Variants in SERPINB8 observed in about 807,000 individuals in gnomAD.
SERPINB8 encodes serpin B8.
In SERPINB8, 25 loss-of-function variants were observed where a neutral mutation model predicts 35.3. That is an observed-to-expected ratio of 0.71 (90% confidence interval 0.52 to 0.99). SERPINB8 has a LOEUF of 0.99. SERPINB8 is among the 50% of genes least tolerant of loss of function. The probability of loss-of-function intolerance (pLI) is 0.00; values close to 1 mark genes in which losing one functional copy is unlikely to be tolerated. For synonymous variants in SERPINB8, 186 were observed against 160.8 expected (o/e 1.16, Z -1.19); for missense variants, 484 against 446.5 (o/e 1.08, Z -0.76).
chr18:63,983,500 G>A, intron 4 of SERPINB8, 79 bp from the exon 5 acceptor site: 3 of 1,401,746 alleles, frequency 2.1e-6, no homozygotes, highest in South Asian at 2.4e-5. Context: ...CCAAGCCTCT[G>A]CCTTATGTGT....
chr18:64,003,223 T>C (rs750174500), intron 1 of SERPINB8, among the ~76,000 whole-genome samples: 1 of 152,098 alleles, frequency 6.6e-6, no homozygotes, highest in African/African-American at 2.4e-5. Flanking sequence ...TGATGCTGAG[T>C]TGGGGCCACC....
At chr18:63,996,087 A>C (rs911212555) in intron 1 of SERPINB8, among the ~76,000 whole-genome samples, 19 of 152,172 alleles carry the variant, frequency 1.2e-4, no homozygotes, top group African/African-American at 4.3e-4. Context: ...ATCTGCAAGC[A>C]CTGATGGTTG....
chr18:63,991,660 A>G (rs1239490842), downstream of SERPINB8, among the ~76,000 whole-genome samples: 1 of 139,598 alleles, frequency 7.2e-6, no homozygotes, highest in Non-Finnish European at 1.5e-5. Context: ...TTTCTTTCAC[A>G]TTTAGATAGC....
downstream of SERPINB8, among the ~76,000 whole-genome samples, chr18:64,009,277 T>G (rs919967562): frequency 1.3e-5 from 2 of 152,244 alleles, no homozygotes; most frequent in African/African-American, 4.8e-5. Flanking sequence ...CTCACTTGTC[T>G]TATTGATGCA....
chr18:64,019,183 C>T (rs759910), exon 8 of SERPINB8: 91,177 of 152,086 alleles, frequency 0.6, 27,573 homozygotes, highest in East Asian at 0.69. Context: ...TGATTTACCT[C>T]CTGTGATTCC....
intron 3 of SERPINB8, 99 bp from the exon 4 acceptor site, chr18:63,981,622 A>G (rs1270824316): frequency 3.7e-6 from 3 of 806,112 alleles, no homozygotes; most frequent in Non-Finnish European, 6.2e-6. Context: ...GACCTGTCCA[A>G]GCACTTATTG....
intron 1 of SERPINB8, among the ~76,000 whole-genome samples, chr18:63,994,430 T>C (rs1178920574): frequency 6.6e-6 from 1 of 151,974 alleles, no homozygotes; most frequent in African/African-American, 2.4e-5. Context: ...TAAAAGTCCT[T>C]CAGGGCACAG....
chr18:64,001,061 A>C (rs774797890), intron 1 of SERPINB8, among the ~76,000 whole-genome samples: 3 of 152,186 alleles, frequency 2.0e-5, no homozygotes, highest in African/African-American at 7.2e-5. Context: ...ACTTTGTTAG[A>C]TGTTATTATA....
chr18:63,999,531 C>T (rs909818914), intron 1 of SERPINB8, among the ~76,000 whole-genome samples: 1 of 152,046 alleles, frequency 6.6e-6, no homozygotes, highest in African/African-American at 2.4e-5. Flanking sequence ...TCCACTTGTC[C>T]CCTCCTTGTA....
downstream of SERPINB8, among the ~76,000 whole-genome samples, chr18:64,007,975 G>A (rs505750): frequency 0.87 from 132,496 of 152,224 alleles, 57,769 homozygotes; most frequent in East Asian, 0.93. Context: ...TTAATATTTT[G>A]TTACTTAATT....
At chr18:63,983,749 C>T (rs770714011) in intron 5 of SERPINB8, 28 bp downstream of exon 5, 1 of 1,530,742 alleles carries the variant, frequency 6.5e-7, no homozygotes, top group Admixed American at 1.7e-5. Flanking sequence ...AGATATACTG[C>T]TACTTTCTTA....
At chr18:64,013,370 C>G (rs2050934748) in intron 7 of SERPINB8, among the ~76,000 whole-genome samples, 1 of 152,150 alleles carries the variant, frequency 6.6e-6, no homozygotes, top group Admixed American at 6.5e-5. Context: ...GGAATACCCT[C>G]CTATCTCCAA....
chr18:64,009,552 A>C (rs892823863), downstream of SERPINB8, among the ~76,000 whole-genome samples: 2 of 152,254 alleles, frequency 1.3e-5, no homozygotes, highest in African/African-American at 4.8e-5. Flanking sequence ...TCATATGTGG[A>C]AATGTGAGAT....
chr18:63,986,172 C>A, intron 6 of SERPINB8: 1 of 1,219,398 alleles, frequency 8.2e-7, no homozygotes, highest in Non-Finnish European at 1.2e-6. Flanking sequence ...GAGGAGTACC[C>A]ACCTGGGCTC....
chr18:64,001,473 T>TTGTTTGTA lies in SERPINB8; in HGVS notation c.71-3341_71-3340insGTATGTTT, dbSNP rs1196982068. Reference sequence around the variant, plus strand: ...TTTCTTTTCTTTTCTGTTTGTTTGTTTGTTTATTTATTTATTTATTTATTT... The same window carrying TTGTTTGTA: ...TTTCTTTTCTTTTCTGTTTGTTTGTTTGTTTGTATGTTTATTTATTTATTTATTTATTT... On this transcript the variant is annotated intron_variant, in intron 1 of 1. Transcript: ENST00000493661. 5.6e-5 allele frequency among the ~76,000 whole-genome samples: 8 copies of TTGTTTGTA among 142,762 alleles called. No individual in the cohort carries two copies. In the East Asian group the frequency reaches 1.4e-3, roughly 24 times the overall value. The allele number at this position is 142,762 out of a possible 152,430, so 93.7% of individuals were successfully genotyped here. A position where few individuals can be genotyped will look rare whatever the true frequency, so the allele number is the denominator to read the frequency against.
In SERPINB8 at chr18:63,989,316, C is replaced by A. The variant is rs1024743894; in HGVS notation, c.*2038C>A. The stretch of plus-strand genomic sequence containing the variant: ...AAATTTACCTGTTGATGAACATTTA[C>A]GTTGTTACCAAGATTTTTGCTATTG... On this transcript the variant is annotated 3_prime_UTR_variant, in exon 7 of 7. Transcript: ENST00000397985. The A allele has an allele frequency of 6.6e-6, 1 of 152,076 alleles. No homozygotes were observed. Among genetic ancestry groups the A allele is most frequent in the Non-Finnish European group, 1.5e-5 (1 of 68,024 alleles). 9.4% of individuals were successfully genotyped at this position (152,076 alleles called of 1,614,324 possible). A position where few individuals can be genotyped will look rare whatever the true frequency, so the allele number is the denominator to read the frequency against.
intron 3 of SERPINB8, 72 bp downstream of exon 3, chr18:63,980,010 G>A: frequency 1.4e-6 from 2 of 1,479,636 alleles, no homozygotes; most frequent in Non-Finnish European, 1.9e-6. Context: ...AGATAATAAA[G>A]TATAACTGTA....
chr18:63,987,071 G>C lies in SERPINB8; in HGVS notation c.918G>C (p.Lys306Asn), dbSNP rs769870269. The change falls in exon 7 of 7, where the codon AAG (lysine) becomes AAC (asparagine). Residue 306 changes from lysine to asparagine, a missense_variant. Transcript: ENST00000397985. ...KADFSGMSTE[K>N]NVPLSKVAHK... Reference sequence around the variant, plus strand: ...ACTTTTCTGGAATGTCAACTGAGAAGAATGTGCCTCTGTCCAAGGTTGCCC... The same window carrying C: ...ACTTTTCTGGAATGTCAACTGAGAACAATGTGCCTCTGTCCAAGGTTGCCC... 6.2e-7 allele frequency: 1 copy of C among 1,614,102 alleles called. No homozygotes were observed. Among genetic ancestry groups the C allele is most frequent in the African/African-American group, 1.3e-5 (1 of 74,934 alleles).
At chr18:63,973,688 C>G (rs2050530897) in intron 1 of SERPINB8, among the ~76,000 whole-genome samples, 1 of 152,174 alleles carries the variant, frequency 6.6e-6, no homozygotes, top group Admixed American at 6.5e-5. Context: ...AGGAAGGGAT[C>G]CAGTTTCAGC....
Sources: gnomAD v4.1 joint callset for allele counts (sites outside exome capture counted in the v4.1 genomes callset) on GRCh38, gnomAD v4.1.1 for gene constraint, MANE v1.5 for transcripts, NCBI Gene and HGNC (gene_info 2026-07-23, HGNC 2026-07-21) for gene names.